The following NDUFS4 variants were observed in gnomAD, a reference collection of about 807,000 sequenced individuals.
NDUFS4 encodes the protein NADH:ubiquinone oxidoreductase subunit S4, also known as NADH dehydrogenase [ubiquinone] iron-sulfur protein 4, mitochondrial.
NDUFS4 carries 28 observed loss-of-function variants against 24.3 expected under a neutral mutation model. That is an observed-to-expected ratio of 1.15 (90% CI 0.85 to 1.58). NDUFS4 has a LOEUF of 1.58. NDUFS4 is among the 40% of genes most tolerant of loss of function. NDUFS4 has a pLI of 0.00. For missense variants in NDUFS4, 223 were observed against 207.9 expected (o/e 1.07, Z -0.45); for synonymous variants, 93 against 69.7 (o/e 1.34, Z -1.67).
At chr5:53,590,150 A>C (rs977761252) in intron 1 of NDUFS4, among the ~76,000 whole-genome samples, 2 of 152,190 alleles carry the variant, frequency 1.3e-5, no homozygotes, top group African/African-American at 4.8e-5. Context: ...GCTTTGAAGT[A>C]ATCCTGTTTT....
At chr5:53,568,002 C>T (rs1468748913) in intron 1 of NDUFS4, among the ~76,000 whole-genome samples, 1 of 152,112 alleles carries the variant, frequency 6.6e-6, no homozygotes, top group East Asian at 1.9e-4. Flanking sequence ...TAACAACTTT[C>T]ATCTAAACAT....
chr5:53,584,448 T>C (rs1406322280), intron 1 of NDUFS4, among the ~76,000 whole-genome samples: 1 of 151,964 alleles, frequency 6.6e-6, no homozygotes, highest in Non-Finnish European at 1.5e-5. Flanking sequence ...CTCTGCCTCC[T>C]GGGTTCAAGT....
rs376247172 is a variant in NDUFS4 at position 53,606,196 on chromosome 5, A to G, written c.177+2666A>G. Reference sequence around the variant, plus strand: ...GAGACTCTGTCTCAAAAAACAAAACAAAACAAAACCTGAGATTGGGTAATT... The same window carrying G: ...GAGACTCTGTCTCAAAAAACAAAACGAAACAAAACCTGAGATTGGGTAATT... On this transcript the variant is annotated intron_variant, in intron 2 of 4. Coordinates refer to ENST00000296684, the MANE Select transcript of NDUFS4 (RefSeq NM_002495.4). Among the ~76,000 whole-genome samples, 363 of 152,162 alleles carry G rather than the reference A, an allele frequency of 2.4e-3. 5 individuals are homozygous for G. The highest frequency in any genetic ancestry group is 8.1e-3 in the African/African-American group (336 of 41,518).
In NDUFS4 at chr5:53,673,388, A is replaced by C. The variant is rs560333168; in HGVS notation, c.425-9730A>C. Among the ~76,000 whole-genome samples, 5 of 152,240 alleles carry C rather than the reference A, an allele frequency of 3.3e-5. No homozygotes were observed. In the South Asian group the frequency reaches 1.0e-3, roughly 32 times the overall value. ...TAATTCTAGGTGCAATGATATCCTGAAAGTTTTATTTTACATTTAGGATTC... is the reference window on the plus strand; with the variant it reads ...TAATTCTAGGTGCAATGATATCCTGCAAGTTTTATTTTACATTTAGGATTC... On this transcript the variant is annotated intron_variant, in intron 4 of 4. Coordinates refer to ENST00000296684, the MANE Select transcript of NDUFS4 (RefSeq NM_002495.4).
intron 2 of NDUFS4, among the ~76,000 whole-genome samples, chr5:53,615,812 A>G (rs1330582321): frequency 6.6e-6 from 1 of 152,162 alleles, no homozygotes; most frequent in African/African-American, 2.4e-5. Flanking sequence ...TAAACAACAT[A>G]TAGGATACAG....
chr5:53,585,836 T>G (rs555979635), intron 1 of NDUFS4, among the ~76,000 whole-genome samples: 37 of 152,296 alleles, frequency 2.4e-4, no homozygotes, highest in African/African-American at 8.7e-4. Flanking sequence ...CTTTTGTGCT[T>G]TTATGCATAT....
rs1019185814 is a variant in NDUFS4, at chr5:53,682,657, G to T, written c.425-461G>T. 2.0e-5 allele frequency among the ~76,000 whole-genome samples: 3 copies of T among 151,954 alleles called. No individual in the cohort carries two copies. The Admixed American group carries it at 2.0e-4, about 10-fold the overall frequency. On this transcript the variant is annotated intron_variant, in intron 4 of 4. Coordinates refer to ENST00000296684, the MANE Select transcript of NDUFS4 (RefSeq NM_002495.4). Reference sequence around the variant, plus strand: ...AGTACACACATGCACCCATACACACGTACATATATATACGTTTACATATTT... The same window carrying T: ...AGTACACACATGCACCCATACACACTTACATATATATACGTTTACATATTT...
chr5:53,580,680 T>A (rs1036515820), intron 1 of NDUFS4, among the ~76,000 whole-genome samples: 3 of 151,756 alleles, frequency 2.0e-5, no homozygotes, highest in African/African-American at 7.3e-5. Context: ...TCTTTCTTTC[T>A]CTTTCGTCCT....
At chr5:53,569,219 A>T (rs116822363) in intron 1 of NDUFS4, among the ~76,000 whole-genome samples, 48 of 152,248 alleles carry the variant, frequency 3.2e-4, no homozygotes, top group Non-Finnish European at 5.1e-4. Context: ...TTTTAAGTCT[A>T]ATAAGATTAG....
At chr5:53,571,978 C>A (rs966812216) in intron 1 of NDUFS4, among the ~76,000 whole-genome samples, 1 of 152,030 alleles carries the variant, frequency 6.6e-6, no homozygotes. Flanking sequence ...ATGGTTGAGC[C>A]CCCTACAACT....
At chr5:53,638,631 G>A (rs1751622022) in intron 2 of NDUFS4, among the ~76,000 whole-genome samples, 1 of 151,838 alleles carries the variant, frequency 6.6e-6, no homozygotes, top group South Asian at 2.1e-4. Context: ...TGAAATAATT[G>A]TCCACCAGAC....
At chr5:53,589,506 C>G (rs16881521) in intron 1 of NDUFS4, among the ~76,000 whole-genome samples, 7,245 of 152,234 alleles carry the variant, frequency 0.048, 582 homozygotes, top group African/African-American at 0.16. Context: ...ATGTCATTTC[C>G]CCTTATACTT....
At chr5:53,646,119 T>C in intron 2 of NDUFS4, 114 bp from the exon 3 acceptor site, 1 of 900,814 alleles carries the variant, frequency 1.1e-6, no homozygotes, top group Non-Finnish European at 1.7e-6. Flanking sequence ...AGAAAATTTA[T>C]CTCAATTTAT....
chr5:53,561,061 G>T (rs1047010418), intron 1 of NDUFS4, among the ~76,000 whole-genome samples: 4 of 152,164 alleles, frequency 2.6e-5, no homozygotes, highest in Non-Finnish European at 5.9e-5. Context: ...CTGAACCTTA[G>T]CCCTCAGAGA....
chr5:53,683,084 T>C lies in NDUFS4; in HGVS notation c.425-34T>C, dbSNP rs773947895. On this transcript the variant is annotated intron_variant, in intron 4 of 4. Transcript: ENST00000296684. ...TTTTCAGGTATCCTCTTTAATTCTG[T>C]TTCTGTGGATTTGTCTTTGTTTTTT... 26 of 1,384,502 alleles carry C rather than the reference T, an allele frequency of 1.9e-5. No homozygotes were observed. The Middle Eastern group carries it at 5.3e-4, about 28-fold the overall frequency. The allele number at this position is 1,384,502 out of a possible 1,614,324, so 85.8% of individuals were successfully genotyped here. A position where few individuals can be genotyped will look rare whatever the true frequency, so the allele number is the denominator to read the frequency against.
At chr5:53,602,005 T>G (rs1750339144) in intron 1 of NDUFS4, among the ~76,000 whole-genome samples, 1 of 152,208 alleles carries the variant, frequency 6.6e-6, no homozygotes, top group Admixed American at 6.5e-5. Context: ...AGGGTTCAGT[T>G]CTATTAACAA....
intron 2 of NDUFS4, among the ~76,000 whole-genome samples, chr5:53,636,574 A>G (rs1751557110): frequency 6.6e-6 from 1 of 152,166 alleles, no homozygotes; most frequent in South Asian, 2.1e-4. Context: ...TCTCATTTTT[A>G]TCAAAGATAA....
rs560694737 is a variant in NDUFS4 at position 53,660,462 on chromosome 5, G to A, written c.424+1838G>A. Among the ~76,000 whole-genome samples, 11 of 152,208 alleles carry A rather than the reference G, an allele frequency of 7.2e-5. No individual in the cohort carries two copies. The South Asian group carries it at 1.7e-3, about 23-fold the overall frequency. ...GTGAATAGTGCCGCAGTAAACATAT[G>A]TGTGCATGTGTCTTTACAGCAGCAT... is the stretch of plus-strand genomic sequence containing the variant. On this transcript the variant is annotated intron_variant, in intron 4 of 4. Coordinates refer to ENST00000296684, the MANE Select transcript of NDUFS4 (RefSeq NM_002495.4).
At chr5:53,644,939 C>G (rs974863728) in intron 2 of NDUFS4, among the ~76,000 whole-genome samples, 1 of 152,044 alleles carries the variant, frequency 6.6e-6, no homozygotes, top group Non-Finnish European at 1.5e-5. Context: ...AAATGTGTTT[C>G]GTGTTTTTCC....
Sources: allele counts gnomAD v4.1 joint callset (sites outside exome capture counted in the v4.1 genomes callset), GRCh38; gene constraint gnomAD v4.1.1; transcripts MANE v1.5; gene names NCBI Gene and HGNC (gene_info 2026-07-23, HGNC 2026-07-21).